RAD54L: variants seen among roughly 807,000 people sequenced by gnomAD.
RAD54L encodes RAD54 like.
In RAD54L, 74 loss-of-function variants were observed where a neutral mutation model predicts 91.6. The observed-to-expected ratio is 0.81, with a 90% CI of 0.67 to 0.98. The LOEUF is 0.98. Among genes scored for constraint, RAD54L ranks in the 50% least tolerant of loss-of-function variants. The pLI is 0.00. For missense variants in RAD54L, 887 were observed against 945.7 expected, an observed-to-expected ratio of 0.94 and a Z score of 0.81; for synonymous variants, 304 against 349.7, an observed-to-expected ratio of 0.87 and a Z score of 1.46.
At position 46,278,372 on chromosome 1, in the gene RAD54L, T is replaced by C. The variant is rs2148309564; in HGVS notation, c.*90T>C. Reference sequence around the variant, plus strand: ...CAGGGCCCTGTTGAATTTTGTTCTCTGGGAGAAAATCATCAAGAAGGGCTG... The same window carrying C: ...CAGGGCCCTGTTGAATTTTGTTCTCCGGGAGAAAATCATCAAGAAGGGCTG... On this transcript the variant is annotated 3_prime_UTR_variant, in exon 18 of 18. Transcript: ENST00000371975. 2 of 1,396,658 alleles carry C rather than the reference T, an allele frequency of 1.4e-6. No homozygotes were observed. The highest frequency in any genetic ancestry group is 2.0e-6 in the Non-Finnish European group (2 of 1,009,046). 86.5% of individuals were successfully genotyped at this position (1,396,658 alleles called of 1,614,324 possible).
Position 46,278,124 on chromosome 1 carries a change from G to A in RAD54L, c.2086G>A (p.Gly696Ser). 6.2e-7 allele frequency: 1 copy of A among 1,613,960 alleles called. No individual in the cohort carries two copies. Among genetic ancestry groups the A allele is most frequent in the Non-Finnish European group, 8.5e-7 (1 of 1,179,936 alleles). ...CCGTCAGATCCGGCCACCCCCTGAT[G>A]GTTCTGACTGCACTTCAGACCTGGC... ...NSRQIRPPPD[G>S]SDCTSDLAGW... is the part of the protein sequence containing the mutation. The change falls in exon 18 of 18, where the codon GGT (glycine) becomes AGT (serine). Residue 696 changes from glycine to serine, a missense_variant. Transcript: ENST00000371975.
intron 2 of RAD54L, among the ~76,000 whole-genome samples, 162 bp from the exon 3 acceptor site, chr1:46,249,835 GATA>G (rs1659749552): frequency 6.6e-6 from 1 of 152,142 alleles, no homozygotes; most frequent in Non-Finnish European, 1.5e-5. Context: ...CTTAAATAAG[GATA>G]ATAACTCTAC....
chr1:46,273,781 G>C (rs2148302289), intron 14 of RAD54L, 34 bp downstream of exon 14: 1 of 1,575,630 alleles, frequency 6.3e-7, no homozygotes, highest in Non-Finnish European at 8.6e-7. Context: ...GCCAAAGGGG[G>C]ATATACCCCT....
Position 46,248,305 on chromosome 1 carries a change from G to C in RAD54L, c.-101G>C. ...AGCCGGTCCTCTCAATAATGTAGCA[G>C]CCCCCTCTACAGATTAGACCCTGGT... On this transcript the variant is annotated 5_prime_UTR_variant, in exon 1 of 18. Transcript: ENST00000371975. The C allele has an allele frequency of 7.0e-7, 1 of 1,420,888 alleles. No individual in the cohort carries two copies. The highest frequency in any genetic ancestry group is 9.8e-7 in the Non-Finnish European group (1 of 1,015,348). 88.0% of individuals were successfully genotyped at this position (1,420,888 alleles called of 1,614,324 possible). A position where few individuals can be genotyped will look rare whatever the true frequency, so the allele number is the denominator to read the frequency against.
chr1:46,261,308 A>C lies in RAD54L; in HGVS notation c.814A>C (p.Ile272Leu). ...RGARVSSPILIISYETFRLHV... is the reference protein window; with the variant it reads ...RGARVSSPILLISYETFRLHV... ...AGCCAGGGTGTCTTCTCCCATCCTC[A>C]TCATTTCCTATGAGACCTTCCGCCT... is the stretch of plus-strand genomic sequence containing the variant. Residue 272 changes from isoleucine (I) to leucine (L), a missense_variant, in exon 8 of 18, where the codon ATC becomes CTC. By Grantham distance (5) the Ile-to-Leu change is conservative. Transcript: ENST00000371975. The C allele has an allele frequency of 6.2e-7, 1 of 1,613,096 alleles. No homozygotes were observed. The highest frequency in any genetic ancestry group is 8.5e-7 in the Non-Finnish European group (1 of 1,179,908).
Position 46,265,174 on chromosome 1 carries a change from A to C in RAD54L, c.892-2285A>C, listed in dbSNP as rs1045378692. Among the ~76,000 whole-genome samples the C allele has an allele frequency of 1.3e-5, 2 of 151,418 alleles. No homozygotes were observed. Among genetic ancestry groups the C allele is most frequent in the African/African-American group, 4.9e-5 (2 of 41,124 alleles). On this transcript the variant is annotated intron_variant, in intron 8 of 17. Coordinates refer to ENST00000371975, the MANE Select transcript of RAD54L (RefSeq NM_003579.4). This position sits in a 1 kb window ranked among gnomAD's most constrained non-coding sequence, Gnocchi z 4.8. Reference sequence around the variant, plus strand: ...GGGCTAGTACTTGGAGCCTCTAATAATTTTTTTTTTCTTAATTAAATTTCT... The same window carrying C: ...GGGCTAGTACTTGGAGCCTCTAATACTTTTTTTTTTCTTAATTAAATTTCT...
intron 3 of RAD54L, among the ~76,000 whole-genome samples, chr1:46,255,901 A>G (rs1311929102): frequency 1.3e-5 from 2 of 152,120 alleles, no homozygotes; most frequent in Non-Finnish European, 2.9e-5. Flanking sequence ...TGCAGAACCT[A>G]TGGTTCCTGT....
chr1:46,276,181 A>AT (rs886237132), intron 16 of RAD54L, among the ~76,000 whole-genome samples: 4 of 152,030 alleles, frequency 2.6e-5, no homozygotes, highest in East Asian at 1.9e-4. Context: ...CTTCTGATTG[A>AT]TTAACTGATT....
chr1:46,248,152 C>T lies in RAD54L; in HGVS notation c.-254C>T. On this transcript the variant is annotated 5_prime_UTR_variant, in exon 1 of 18. Transcript: ENST00000371975. ...GCCTCCTCCCCAATCCCACACTAAT[C>T]TCTGCTTGGTCTCTTCCTCTTTGGC... 1.8e-6 allele frequency: 1 copy of T among 568,684 alleles called. No individual in the cohort carries two copies. Among genetic ancestry groups the T allele is most frequent in the Non-Finnish European group, 3.2e-6 (1 of 310,944 alleles). The allele number at this position is 568,684 out of a possible 1,614,324, so 35.2% of individuals were successfully genotyped here.
At position 46,278,409 on chromosome 1, in the gene RAD54L, C is replaced by A; in HGVS notation, c.*127C>A. On this transcript the variant is annotated 3_prime_UTR_variant, in exon 18 of 18. Transcript: ENST00000371975. ...ATCAAGAAGGGCTGCATGATGTTTG[C>A]CCAAAATTTATTTTATAAGAAAAAC... The A allele has an allele frequency of 9.0e-7, 1 of 1,114,732 alleles. No individual in the cohort carries two copies. Among genetic ancestry groups the A allele is most frequent in the Non-Finnish European group, 1.3e-6 (1 of 770,882 alleles). The allele number at this position is 1,114,732 out of a possible 1,614,324, so 69.1% of individuals were successfully genotyped here. A position where few individuals can be genotyped will look rare whatever the true frequency, so the allele number is the denominator to read the frequency against.
intron 16 of RAD54L, among the ~76,000 whole-genome samples, chr1:46,275,821 G>A (rs1660578178): frequency 6.6e-6 from 1 of 151,914 alleles, no homozygotes; most frequent in Non-Finnish European, 1.5e-5. Flanking sequence ...ATCTCACACT[G>A]TTGACTACTA....
In RAD54L at chr1:46,278,217, G is replaced by C. The variant is rs1157169769; in HGVS notation, c.2179G>C (p.Ala727Pro). 6.2e-7 allele frequency: 1 copy of C among 1,613,970 alleles called. No individual in the cohort carries two copies. The part of the protein sequence containing the change: ...DEVLQAAWDA[A>P]STAITFVFHQ... ...GGTACTCCAGGCTGCCTGGGATGCT[G>C]CCTCCACTGCCATCACCTTCGTCTT... The change falls in exon 18 of 18, where the codon GCC becomes CCC. Residue 727 changes from alanine to proline, a missense_variant. Ala to Pro is a conservative substitution (Grantham distance 27). Coordinates refer to ENST00000371975, the MANE Select transcript of RAD54L (RefSeq NM_003579.4).
At position 46,272,816 on chromosome 1, in the gene RAD54L, G is replaced by T; in HGVS notation, c.1375+14G>T. On this transcript the variant is annotated intron_variant, in intron 12 of 17. Coordinates refer to ENST00000371975, the MANE Select transcript of RAD54L (RefSeq NM_003579.4). The stretch of plus-strand genomic sequence containing the variant: ...AGCTTTGTAATCGTGAGTTGGGCTT[G>T]TGTCCTGGTGTCCTCTGTGAGAGTG... 1 of 1,614,020 alleles carries T rather than the reference G, an allele frequency of 6.2e-7. No homozygotes were observed. Among genetic ancestry groups the T allele is most frequent in the Non-Finnish European group, 8.5e-7 (1 of 1,180,002 alleles).
At chr1:46,251,941 G>T (rs1453004461) in intron 3 of RAD54L, among the ~76,000 whole-genome samples, 1 of 152,120 alleles carries the variant, frequency 6.6e-6, no homozygotes, top group Non-Finnish European at 1.5e-5. Context: ...AAAATGGTGT[G>T]TAATCCTCTG....
In RAD54L at chr1:46,271,656, CA is replaced by C. The variant is rs922240287; in HGVS notation, c.1170-798del. 2.0e-3 allele frequency among the ~76,000 whole-genome samples: 282 copies of C among 142,868 alleles called. 3 individuals are homozygous for C. The highest frequency in any genetic ancestry group is 5.9e-3 in the African/African-American group (232 of 39,038). The allele number at this position is 142,868 out of a possible 152,430, so 93.7% of individuals were successfully genotyped here. A position where few individuals can be genotyped will look rare whatever the true frequency, so the allele number is the denominator to read the frequency against. ...TGGGTGACAGAGCAAGACTCCGTCT[CA>C]AAAAAAAAAAATTAGATGGCAGGAA... On this transcript the variant is annotated intron_variant, in intron 10 of 17. Transcript: ENST00000371975.
At position 46,278,076 on chromosome 1, in the gene RAD54L, C is replaced by T. The variant is rs145650616; in HGVS notation, c.2038C>T (p.His680Tyr). ...ASLSDTHDRL[H>Y]CRRCVNSRQI... ...AGCTGTGCCTTCTGTCCCTAGGTTG[C>T]ACTGCCGACGTTGTGTCAACAGCCG... is the stretch of plus-strand genomic sequence containing the variant. Residue 680 changes from histidine to tyrosine, a missense_variant, in exon 18 of 18, where the codon CAC becomes TAC. Coordinates refer to ENST00000371975, the MANE Select transcript of RAD54L (RefSeq NM_003579.4). 2.4e-5 allele frequency: 38 copies of T among 1,614,156 alleles called. No homozygotes were observed. The African/African-American group carries it at 4.7e-4, about 20-fold the overall frequency.
chr1:46,255,492 C>CTTT (rs869103738), intron 3 of RAD54L, among the ~76,000 whole-genome samples: 12 of 80,834 alleles, frequency 1.5e-4, no homozygotes, highest in South Asian at 9.2e-4. Context: ...TTGGCCATTC[C>CTTT]TTTTTTTTTT....
At chr1:46,270,996 G>A (rs1420937690) in intron 10 of RAD54L, among the ~76,000 whole-genome samples, 1 of 152,162 alleles carries the variant, frequency 6.6e-6, no homozygotes, top group Non-Finnish European at 1.5e-5. Context: ...TCTGGTTTTG[G>A]TCTGTTTATC....
At chr1:46,255,310 C>T (rs1444513948) in intron 3 of RAD54L, among the ~76,000 whole-genome samples, 3 of 152,076 alleles carry the variant, frequency 2.0e-5, no homozygotes, top group Non-Finnish European at 4.4e-5. Flanking sequence ...TGATTCTCTG[C>T]AGAAATGGGA....
Sources: allele counts gnomAD v4.1 joint callset (sites outside exome capture counted in the v4.1 genomes callset), GRCh38; gene constraint gnomAD v4.1.1; non-coding constraint Gnocchi (gnomAD v3.1); transcripts MANE v1.5; gene names NCBI Gene and HGNC (gene_info 2026-07-23, HGNC 2026-07-21).